Variants in ERN1 observed in about 807,000 individuals in gnomAD.
ERN1 encodes the protein endoplasmic reticulum to nucleus signaling 1, also known as serine/threonine-protein kinase/endoribonuclease IRE1.
A neutral mutation model predicts 113.1 loss-of-function variants in ERN1; 39 were observed. The observed-to-expected ratio is 0.34, with a 90% CI of 0.27 to 0.45. The LOEUF (loss-of-function observed/expected upper bound fraction) is 0.45, where lower values mean the gene tolerates loss of function less well. ERN1 is among the 20% of genes least tolerant of loss of function. The pLI is 1.00. For synonymous variants in ERN1, 507 were observed against 515.9 expected (o/e 0.98, Z 0.23); for missense variants, 976 against 1,274.8 (o/e 0.77, Z 3.57).
At chr17:64,070,299 A>G (rs897197867) in intron 6 of ERN1, among the ~76,000 whole-genome samples, 5 of 152,226 alleles carry the variant, frequency 3.3e-5, no homozygotes, top group Admixed American at 3.3e-4. Context: ...CAGAATCATT[A>G]ACAATAAAAT....
chr17:64,054,867 T>C lies in ERN1; in HGVS notation c.1673-39A>G, dbSNP rs771043529. 1.4e-4 allele frequency: 204 copies of C among 1,463,354 alleles called. 1 individual carries two copies. The East Asian group carries it at 4.6e-3, about 33-fold the overall frequency. 90.6% of individuals were successfully genotyped at this position (1,463,354 alleles called of 1,614,324 possible). ...GGAAAAAGAGATTGTTTCAAACAGA[T>C]ATCACCTAAAGAACCTTGAGGTTAA... On this transcript the variant is annotated intron_variant, in intron 13 of 21. Transcript: ENST00000433197. The surrounding 1 kb of genome is among the most constrained non-coding windows in gnomAD (Gnocchi z 4.9).
At chr17:64,115,132 A>T (rs1434558651) in intron 1 of ERN1, among the ~76,000 whole-genome samples, 10 of 152,166 alleles carry the variant, frequency 6.6e-5, no homozygotes, top group African/African-American at 2.4e-4. Flanking sequence ...TTTCATTACA[A>T]GAGGCAGAAA....
chr17:64,130,105 G>A lies in ERN1; in HGVS notation c.-76C>T, dbSNP rs1003289571. On this transcript the variant is annotated 5_prime_UTR_variant, in exon 1 of 22. Transcript: ENST00000433197. This position sits in a 1 kb window ranked among gnomAD's most constrained non-coding sequence, Gnocchi z 4.0. ...GGGGGCGCCGCGACGACAGCGAGGCGGTGACCGAGCCTCAGCGGACGCAGA... is the reference window on the plus strand; with the variant it reads ...GGGGGCGCCGCGACGACAGCGAGGCAGTGACCGAGCCTCAGCGGACGCAGA... The A allele has an allele frequency of 2.4e-6, 3 of 1,251,578 alleles. No individual in the cohort carries two copies. Among genetic ancestry groups the A allele is most frequent in the South Asian group, 2.5e-5 (1 of 40,648 alleles). The allele number at this position is 1,251,578 out of a possible 1,614,324, so 77.5% of individuals were successfully genotyped here.
chr17:64,126,508 G>C (rs904410352), intron 1 of ERN1, among the ~76,000 whole-genome samples: 2 of 151,852 alleles, frequency 1.3e-5, no homozygotes. Context: ...ATTTATGTTC[G>C]GAAATATGGG....
intron 1 of ERN1, among the ~76,000 whole-genome samples, chr17:64,102,333 G>C (rs1038721958): frequency 1.3e-5 from 2 of 152,058 alleles, no homozygotes; most frequent in African/African-American, 4.8e-5. Flanking sequence ...ATTTAGTCTT[G>C]GAAAAATCTC....
intron 1 of ERN1, among the ~76,000 whole-genome samples, chr17:64,117,422 G>A (rs1325529253): frequency 5.3e-5 from 8 of 151,158 alleles, no homozygotes; most frequent in South Asian, 4.2e-4. Context: ...CAGTGTGGGC[G>A]ACACAGTGAG....
intron 8 of ERN1, 73 bp from the exon 9 acceptor site, chr17:64,065,360 C>T (rs748888783): frequency 1.0e-4 from 115 of 1,097,338 alleles, no homozygotes; most frequent in Non-Finnish European, 1.5e-4. Context: ...GTAATCATCA[C>T]CCCAAATACC....
chr17:64,046,808 C>A (rs1364149831), intron 19 of ERN1, among the ~76,000 whole-genome samples: 2 of 152,240 alleles, frequency 1.3e-5, no homozygotes, highest in Non-Finnish European at 2.9e-5. Flanking sequence ...GGGAAAAGCA[C>A]TGCCCCACAA....
Position 64,054,290 on chromosome 17 carries a change from T to G in ERN1, c.1913A>C (p.Gln638Pro). The G allele has an allele frequency of 6.2e-7, 1 of 1,613,862 alleles. No homozygotes were observed. Among genetic ancestry groups the G allele is most frequent in the South Asian group, 1.1e-5 (1 of 91,020 alleles). ...TGCACACAGCTCGATGGCAATGTAC[T>G]GGAATTGCCGGTCCTTCTCCGTGCA... is the stretch of plus-strand genomic sequence containing the variant. Reference protein sequence around the residue: ...YFCTEKDRQFQYIAIELCAAT... With the variant: ...YFCTEKDRQFPYIAIELCAAT... The change falls in exon 15 of 22, where the codon CAG becomes CCG. Residue 638 changes from glutamine (Q) to proline (P), a missense_variant. Gln to Pro is a moderately conservative substitution (Grantham distance 76). Transcript: ENST00000433197. The surrounding 1 kb of genome is among the most constrained non-coding windows in gnomAD (Gnocchi z 4.9).
intron 1 of ERN1, among the ~76,000 whole-genome samples, chr17:64,120,813 A>G (rs1567889155): frequency 6.6e-6 from 1 of 152,176 alleles, no homozygotes; most frequent in African/African-American, 2.4e-5. Context: ...GTGCAATCCC[A>G]TTAAAGAATA....
At chr17:64,062,642 C>T (rs940226570) in intron 10 of ERN1, among the ~76,000 whole-genome samples, 7 of 152,318 alleles carry the variant, frequency 4.6e-5, no homozygotes, top group South Asian at 2.1e-4. Flanking sequence ...CTCATATATA[C>T]ACATTTCCTT....
chr17:64,115,909 G>T (rs534725746), intron 1 of ERN1, among the ~76,000 whole-genome samples: 1 of 152,312 alleles, frequency 6.6e-6, no homozygotes, highest in East Asian at 1.9e-4. Flanking sequence ...AGGCTTTGCT[G>T]CAGCTTCTTC....
Position 64,071,965 on chromosome 17 carries a change from A to G in ERN1, c.478+16T>C. 1 of 1,554,064 alleles carries G rather than the reference A, an allele frequency of 6.4e-7. No homozygotes were observed. The highest frequency in any genetic ancestry group is 8.7e-7 in the Non-Finnish European group (1 of 1,147,942). ...GGAAACAGGCAGGTTGTAGAAGACA[A>G]AGGTTCATTTCTTACCTGTTCGCCC... On this transcript the variant is annotated intron_variant, in intron 6 of 21. Transcript: ENST00000433197.
At chr17:64,074,885 C>T (rs1913537971) in intron 5 of ERN1, among the ~76,000 whole-genome samples, 1 of 152,250 alleles carries the variant, frequency 6.6e-6, no homozygotes, top group Non-Finnish European at 1.5e-5. Context: ...AAATTTCATC[C>T]ATTTGCCACT....
chr17:64,121,596 T>TA (rs1914957177), intron 1 of ERN1, among the ~76,000 whole-genome samples: 2 of 152,326 alleles, frequency 1.3e-5, no homozygotes, highest in South Asian at 4.1e-4. Context: ...TTCAAGCGAT[T>TA]CTTCTGCCTC....
At chr17:64,045,027 GA>G in intron 20 of ERN1, 100 bp from the exon 21 acceptor site, 1 of 890,160 alleles carries the variant, frequency 1.1e-6, no homozygotes, top group Non-Finnish European at 1.8e-6. Flanking sequence ...GAGTTGGACT[GA>G]AAGGTGAGGT....
rs1450066756 is a variant in ERN1 at position 64,041,955 on chromosome 17, T to A, written c.*2033A>T. 1.3e-5 allele frequency: 2 copies of A among 152,198 alleles called. No homozygotes were observed. Among genetic ancestry groups the A allele is most frequent in the Non-Finnish European group, 2.9e-5 (2 of 68,036 alleles). 9.4% of individuals were successfully genotyped at this position (152,198 alleles called of 1,614,324 possible). ...GGCAAGTGGGGCTAAAACAGGGAGA[T>A]GACACAAAATTGGGTCACTAGAAAT... On this transcript the variant is annotated 3_prime_UTR_variant, in exon 22 of 22. Transcript: ENST00000433197.
chr17:64,126,851 G>A (rs2143515906), intron 1 of ERN1, among the ~76,000 whole-genome samples: 1 of 151,792 alleles, frequency 6.6e-6, no homozygotes, highest in East Asian at 1.9e-4. Context: ...AGTTCTCGGT[G>A]ACTTTTTAAA....
At chr17:64,118,081 C>T (rs994670869) in intron 1 of ERN1, among the ~76,000 whole-genome samples, 2 of 152,140 alleles carry the variant, frequency 1.3e-5, no homozygotes, top group Non-Finnish European at 2.9e-5. Context: ...TCTACCTCCC[C>T]GTATGAGGCT....
Sources: gnomAD v4.1 joint callset for allele counts (sites outside exome capture counted in the v4.1 genomes callset) on GRCh38, gnomAD v4.1.1 for gene constraint, Gnocchi (gnomAD v3.1) non-coding constraint, MANE v1.5 for transcripts, NCBI Gene and HGNC (gene_info 2026-07-23, HGNC 2026-07-21) for gene names.